FAM107B: variants seen among roughly 807,000 people sequenced by gnomAD.
FAM107B encodes the protein protein FAM107B.
Under a neutral mutation model 31.5 loss-of-function variants are expected in FAM107B, and 21 were observed. That is an observed-to-expected ratio of 0.67 (90% CI 0.47 to 0.96). The LOEUF (loss-of-function observed/expected upper bound fraction) is 0.96. FAM107B is among the 40% of genes least tolerant of loss of function. The probability of loss-of-function intolerance (pLI) is 0.00; values close to 1 mark genes in which losing one functional copy is unlikely to be tolerated. For synonymous variants in FAM107B, 157 were observed against 141.5 expected, an observed-to-expected ratio of 1.11 and a Z score of -0.78; for missense variants, 452 against 377.1, an observed-to-expected ratio of 1.20 and a Z score of -1.64.
At chr10:14,761,230 A>C (rs1439592503) in intron 1 of FAM107B, among the ~76,000 whole-genome samples, 1 of 152,196 alleles carries the variant, frequency 6.6e-6, no homozygotes, top group African/African-American at 2.4e-5. Flanking sequence ...ATGGGGGCCT[A>C]ATATGTGCTG....
intron 2 of FAM107B, among the ~76,000 whole-genome samples, chr10:14,541,247 A>G (rs1395992899): frequency 6.6e-6 from 1 of 152,130 alleles, no homozygotes; most frequent in Non-Finnish European, 1.5e-5. Context: ...GTCAAATCCA[A>G]TGAGCTAACT....
intron 2 of FAM107B, among the ~76,000 whole-genome samples, chr10:14,589,756 T>G (rs1851957674): frequency 1.3e-5 from 2 of 152,080 alleles, no homozygotes; most frequent in Non-Finnish European, 2.9e-5. Flanking sequence ...CCGTGGCACA[T>G]GTATACCTAT....
rs192811219 is a variant in FAM107B at position 14,544,967 on chromosome 10, C to T, written c.470-14452G>A. ...GATCCTCAAAGTGTCATCCCAGGGT[C>T]CGAGGCATCGGCACCATCATGGAAT... On this transcript the variant is annotated intron_variant, in intron 2 of 4. Coordinates refer to ENST00000181796, the MANE Select transcript of FAM107B (RefSeq NM_031453.4). Among the ~76,000 whole-genome samples, 245 of 152,264 alleles carry T rather than the reference C, an allele frequency of 1.6e-3. 1 individual carries two copies. In the Middle Eastern group the frequency reaches 0.031, roughly 19 times the overall value.
chr10:14,671,906 C>CAAAAAAA (rs1854566415), intron 1 of FAM107B, among the ~76,000 whole-genome samples: 3 of 138,880 alleles, frequency 2.2e-5, no homozygotes, highest in African/African-American at 9.5e-5. Flanking sequence ...AAAAAAAACC[C>CAAAAAAA]TCTATTTCTT....
Position 14,582,375 on chromosome 10 carries a change from C to CTTTTT in FAM107B, c.470-51865_470-51861dup, listed in dbSNP as rs71388188. Reference sequence around the variant, plus strand: ...CATGTTTGTTTTTGTTTTTTCTTTTCTTTTTTTTTTTTTTTTTTTGAGACA... The same window carrying CTTTTT: ...CATGTTTGTTTTTGTTTTTTCTTTTCTTTTTTTTTTTTTTTTTTTTTTTTGAGACA... On this transcript the variant is annotated intron_variant, in intron 2 of 4. Transcript: ENST00000181796. Among the ~76,000 whole-genome samples the CTTTTT allele has an allele frequency of 1.4e-3, 155 of 112,062 alleles. 3 individuals are homozygous for CTTTTT. The highest frequency in any genetic ancestry group is 1.9e-3 in the African/African-American group (54 of 28,928). The allele number at this position is 112,062 out of a possible 152,430, so 73.5% of individuals were successfully genotyped here.
chr10:14,672,192 G>T (rs112217775), intron 1 of FAM107B, among the ~76,000 whole-genome samples: 2 of 151,108 alleles, frequency 1.3e-5, no homozygotes, highest in African/African-American at 2.5e-5. Context: ...AGGTTCAAGC[G>T]ATTCTCCTGC....
intron 1 of FAM107B, among the ~76,000 whole-genome samples, chr10:14,681,443 C>T (rs944847041): frequency 2.6e-5 from 4 of 152,194 alleles, no homozygotes; most frequent in Non-Finnish European, 5.9e-5. Context: ...GCCACTTTTG[C>T]TCTGAGTCAC....
chr10:14,575,724 C>G (rs903673697), intron 2 of FAM107B, among the ~76,000 whole-genome samples: 1 of 152,194 alleles, frequency 6.6e-6, no homozygotes, highest in Non-Finnish European at 1.5e-5. Flanking sequence ...CAGACAGACA[C>G]ATGTGTGCAC....
chr10:14,589,080 G>A (rs947326089), intron 2 of FAM107B, among the ~76,000 whole-genome samples: 1 of 151,072 alleles, frequency 6.6e-6, no homozygotes, highest in African/African-American at 2.4e-5. Flanking sequence ...TACTTGGGAG[G>A]CTGAGGCAGG....
At chr10:14,738,682 A>G (rs1302262641) in intron 1 of FAM107B, among the ~76,000 whole-genome samples, 1 of 152,204 alleles carries the variant, frequency 6.6e-6, no homozygotes, top group African/African-American at 2.4e-5. Context: ...GAAGGTAAGG[A>G]ATCCAGACAT....
intron 1 of FAM107B, among the ~76,000 whole-genome samples, chr10:14,670,987 T>C (rs1436889245): frequency 2.0e-5 from 3 of 152,228 alleles, no homozygotes; most frequent in African/African-American, 7.2e-5. Context: ...AGTCCAACTG[T>C]AGTAGACATC....
chr10:14,570,906 T>A (rs7076312), intron 2 of FAM107B, among the ~76,000 whole-genome samples: 1 of 151,146 alleles, frequency 6.6e-6, no homozygotes, highest in Admixed American at 6.6e-5. Flanking sequence ...GAGGAGGTGA[T>A]GGCAATGAGC....
intron 2 of FAM107B, among the ~76,000 whole-genome samples, chr10:14,566,588 G>A (rs897576490): frequency 1.3e-5 from 2 of 152,152 alleles, no homozygotes; most frequent in East Asian, 1.9e-4. Context: ...GGCTGTGCCC[G>A]GGCTCCTGAG....
intron 1 of FAM107B, among the ~76,000 whole-genome samples, chr10:14,747,274 C>T (rs1435716127): frequency 2.0e-5 from 3 of 152,178 alleles, no homozygotes; most frequent in Admixed American, 6.5e-5. Context: ...TTATTACTCG[C>T]CTTCTGAAGC....
intron 1 of FAM107B, among the ~76,000 whole-genome samples, chr10:14,711,120 C>A (rs1855636309): frequency 6.6e-6 from 1 of 152,178 alleles, no homozygotes; most frequent in Non-Finnish European, 1.5e-5. Flanking sequence ...ACCATATCAG[C>A]CAGGCTGGCC....
At chr10:14,608,583 AG>A (rs1190424700) in intron 2 of FAM107B, among the ~76,000 whole-genome samples, 1 of 152,192 alleles carries the variant, frequency 6.6e-6, no homozygotes, top group Non-Finnish European at 1.5e-5. Flanking sequence ...CTGTCAGCTC[AG>A]GCATCTCAGA....
At chr10:14,730,306 G>A (rs763744740) in intron 1 of FAM107B, among the ~76,000 whole-genome samples, 13 of 152,240 alleles carry the variant, frequency 8.5e-5, no homozygotes, top group Admixed American at 1.3e-4. Flanking sequence ...TCCCAGGTGA[G>A]TTTAATGTGA....
At chr10:14,619,816 A>T (rs771019759) in intron 2 of FAM107B, among the ~76,000 whole-genome samples, 23 of 149,784 alleles carry the variant, frequency 1.5e-4, no homozygotes, top group Non-Finnish European at 2.1e-4. Context: ...ATTTAGGTCT[A>T]TGACGTATTT....
At chr10:14,773,266 A>G (rs1833346729) in intron 1 of FAM107B, among the ~76,000 whole-genome samples, 1 of 152,212 alleles carries the variant, frequency 6.6e-6, no homozygotes, top group Non-Finnish European at 1.5e-5. Context: ...TTTTAACCCT[A>G]TCTTTGCTGG....
Sources: allele counts gnomAD v4.1 joint callset (sites outside exome capture counted in the v4.1 genomes callset), GRCh38; gene constraint gnomAD v4.1.1; transcripts MANE v1.5; gene names NCBI Gene and HGNC (gene_info 2026-07-23, HGNC 2026-07-21).